Variants in C10orf105 observed in about 807,000 individuals in gnomAD.
C10orf105 encodes uncharacterized protein C10orf105.
Under a neutral mutation model 0.6 loss-of-function variants are expected in C10orf105, and 2 were observed. The observed-to-expected ratio is 3.18, with a 90% CI of 1.30 to 10.01. The LOEUF (loss-of-function observed/expected upper bound fraction) is 10.01, where lower values mean the gene tolerates loss of function less well. C10orf105 is among the 30% of genes most tolerant of loss of function. The pLI, the probability that C10orf105 is intolerant of heterozygous loss-of-function variation, is 0.04. For missense variants in C10orf105, 209 were observed against 191.4 expected (o/e 1.09, Z -0.54); for synonymous variants, 95 against 82.4 (o/e 1.15, Z -0.83).
rs1161580500 is a variant in C10orf105 at position 71,712,495 on chromosome 10, C to T, written c.*3441G>A. On this transcript the variant is annotated 3_prime_UTR_variant, in exon 2 of 2. Coordinates refer to ENST00000441508, the MANE Select transcript of C10orf105 (RefSeq NM_001164375.3). ...CATGGTGTTATCTAAGTATTTGATA[C>T]TGTTAGTGTTATTCCTAAGCTAAAA... The T allele has an allele frequency of 9.4e-6, 6 of 641,516 alleles. No homozygotes were observed. The highest frequency in any genetic ancestry group is 1.8e-5 in the African/African-American group (1 of 54,680). 39.7% of individuals were successfully genotyped at this position (641,516 alleles called of 1,614,324 possible). A position where few individuals can be genotyped will look rare whatever the true frequency, so the allele number is the denominator to read the frequency against.
chr10:71,730,653 T>G, intron 1 of C10orf105: 3 of 1,607,548 alleles, frequency 1.9e-6, no homozygotes, highest in Non-Finnish European at 1.7e-6. Flanking sequence ...AGAGCAAACC[T>G]CCCCAGCTCA....
At chr10:71,733,040 C>T (rs1479236373) in intron 1 of C10orf105, among the ~76,000 whole-genome samples, 1 of 152,016 alleles carries the variant, frequency 6.6e-6, no homozygotes, top group Admixed American at 6.5e-5. Flanking sequence ...CCAATCACAA[C>T]CTCTAGGTTG....
intron 1 of C10orf105, among the ~76,000 whole-genome samples, chr10:71,729,780 A>C (rs1359405046): frequency 1.3e-5 from 2 of 152,078 alleles, no homozygotes; most frequent in Non-Finnish European, 2.9e-5. Flanking sequence ...GCCCTGGCTC[A>C]TTTTGTCTTC....
At chr10:71,728,205 C>T (rs1458642236) in intron 1 of C10orf105, among the ~76,000 whole-genome samples, 1 of 152,160 alleles carries the variant, frequency 6.6e-6, no homozygotes, top group Non-Finnish European at 1.5e-5. Flanking sequence ...CCGCACCCAC[C>T]CTACCCAGGA....
At chr10:71,717,861 G>C (rs1281810966) in intron 1 of C10orf105, 1 of 152,256 alleles carries the variant, frequency 6.6e-6, no homozygotes, top group Non-Finnish European at 1.5e-5. Flanking sequence ...GAGAGGTGGG[G>C]TGGGGGAGAA....
chr10:71,735,554 C>A (rs1839539911), intron 1 of C10orf105, among the ~76,000 whole-genome samples: 1 of 152,194 alleles, frequency 6.6e-6, no homozygotes, highest in Non-Finnish European at 1.5e-5. Flanking sequence ...ACATCAGCTA[C>A]CATCTAGAGA....
Position 71,732,150 on chromosome 10 carries a change from C to T in C10orf105, c.-6+5578G>A. 1 of 1,614,042 alleles carries T rather than the reference C, an allele frequency of 6.2e-7. No individual in the cohort carries two copies. Among genetic ancestry groups the T allele is most frequent in the Non-Finnish European group, 8.5e-7 (1 of 1,179,902 alleles). ...CCACTGACCAGGCCCCGCCCTTCAA[C>T]CAGGGCTTCTGCAGCGTCTACATCA... On this transcript the variant is annotated intron_variant, in intron 1 of 1. Transcript: ENST00000398786.
At chr10:71,718,808 T>C (rs1245941559) in intron 1 of C10orf105, among the ~76,000 whole-genome samples, 1 of 152,086 alleles carries the variant, frequency 6.6e-6, no homozygotes, top group African/African-American at 2.4e-5. Flanking sequence ...GGCTCTCACC[T>C]GTAATCCCAG....
intron 1 of C10orf105, chr10:71,732,164 G>T (rs778254023): frequency 6.2e-7 from 1 of 1,614,048 alleles, no homozygotes. Flanking sequence ...GGCTTCTGCA[G>T]CGTCTACATC....
chr10:71,736,087 G>A (rs1167387023), intron 1 of C10orf105, among the ~76,000 whole-genome samples: 3 of 152,256 alleles, frequency 2.0e-5, no homozygotes, highest in Non-Finnish European at 4.4e-5. Flanking sequence ...ATGGAAAGGA[G>A]GTCCCCCTGC....
Position 71,712,631 on chromosome 10 carries a change from G to A in C10orf105, c.*3305C>T. 1 of 1,609,304 alleles carries A rather than the reference G, an allele frequency of 6.2e-7. No homozygotes were observed. The highest frequency in any genetic ancestry group is 8.5e-7 in the Non-Finnish European group (1 of 1,176,770). On this transcript the variant is annotated 3_prime_UTR_variant, in exon 2 of 2. Coordinates refer to ENST00000441508, the MANE Select transcript of C10orf105 (RefSeq NM_001164375.3). ...AGGAAGTGTGCCCCTCTCTCAGGCA[G>A]CTGCTAACACCTGTCTTCCTTCAAC...
Position 71,712,561 on chromosome 10 carries a change from A to T in C10orf105, c.*3375T>A. On this transcript the variant is annotated 3_prime_UTR_variant, in exon 2 of 2. Transcript: ENST00000441508. ...GCAAAGGCTAGGGCAGATGGGGCGG[A>T]ACAGGGCACCTCTCTGGCCGGTGCC... The T allele has an allele frequency of 7.3e-7, 1 of 1,363,264 alleles. No homozygotes were observed. The highest frequency in any genetic ancestry group is 1.9e-5 in the Admixed American group (1 of 51,426). The allele number at this position is 1,363,264 out of a possible 1,614,324, so 84.4% of individuals were successfully genotyped here. A position where few individuals can be genotyped will look rare whatever the true frequency, so the allele number is the denominator to read the frequency against.
rs2132826428 is a variant in C10orf105 at position 71,732,386 on chromosome 10, G to C, written c.-6+5342C>G. On this transcript the variant is annotated intron_variant, in intron 1 of 1. Coordinates refer to the C10orf105 transcript ENST00000398786. Reference sequence around the variant, plus strand: ...ATAGACGCCATCACGGTGAGGGGCTGGGGGCAGGGAGCACCATTTCTTCCA... The same window carrying C: ...ATAGACGCCATCACGGTGAGGGGCTCGGGGCAGGGAGCACCATTTCTTCCA... 6.4e-7 allele frequency: 1 copy of C among 1,554,922 alleles called. No homozygotes were observed.
In C10orf105 at chr10:71,715,497, C is replaced by A. The variant is rs113042561; in HGVS notation, c.*439G>T. ...CACAGATGCCAGGACAGTGTCTTGG[C>A]CCCGGTGTAGGCTGAGCATTTCACT... On this transcript the variant is annotated 3_prime_UTR_variant, in exon 2 of 2. Coordinates refer to ENST00000441508, the MANE Select transcript of C10orf105 (RefSeq NM_001164375.3). 6.4e-6 allele frequency: 1 copy of A among 155,812 alleles called. No individual in the cohort carries two copies. The highest frequency in any genetic ancestry group is 1.9e-4 in the East Asian group (1 of 5,248). The allele number at this position is 155,812 out of a possible 1,614,324, so 9.7% of individuals were successfully genotyped here. A position where few individuals can be genotyped will look rare whatever the true frequency, so the allele number is the denominator to read the frequency against.
At chr10:71,724,319 G>T (rs10999975), upstream of C10orf105, among the ~76,000 whole-genome samples, 28 of 152,296 alleles carry the variant, frequency 1.8e-4, no homozygotes, top group Non-Finnish European at 3.4e-4. Flanking sequence ...TTGAGACGGA[G>T]TCTCCCTCTG....
chr10:71,713,454 G>A lies in C10orf105; in HGVS notation c.*2482C>T, dbSNP rs1866074266. 1 of 591,034 alleles carries A rather than the reference G, an allele frequency of 1.7e-6. No individual in the cohort carries two copies. Among genetic ancestry groups the A allele is most frequent in the Admixed American group, 3.0e-5 (1 of 33,496 alleles). 36.6% of individuals were successfully genotyped at this position (591,034 alleles called of 1,614,324 possible). A position where few individuals can be genotyped will look rare whatever the true frequency, so the allele number is the denominator to read the frequency against. On this transcript the variant is annotated 3_prime_UTR_variant, in exon 2 of 2. Transcript: ENST00000441508. ...GAGGCTGAGCCAAACAGGGAATCTG[G>A]GCCTGCCCACTGGGGCAGGCTCCCG... is the stretch of plus-strand genomic sequence containing the variant.
At chr10:71,726,751 C>G (rs1484955448) in intron 1 of C10orf105, among the ~76,000 whole-genome samples, 1 of 152,230 alleles carries the variant, frequency 6.6e-6, no homozygotes, top group Non-Finnish European at 1.5e-5. Context: ...CACAGAGTGA[C>G]TGATGTCAGC....
chr10:71,732,800 T>G, intron 1 of C10orf105: 1 of 809,088 alleles, frequency 1.2e-6, no homozygotes, highest in Non-Finnish European at 1.5e-6. Context: ...TCGAAGTGTG[T>G]GTGGGGTTTT....
At chr10:71,731,582 A>C (rs1839387203) in intron 1 of C10orf105, among the ~76,000 whole-genome samples, 1 of 152,156 alleles carries the variant, frequency 6.6e-6, no homozygotes, top group African/African-American at 2.4e-5. Flanking sequence ...CTTCTGTCGA[A>C]GGGACCAAAC....
Sources: gnomAD v4.1 joint callset for allele counts (sites outside exome capture counted in the v4.1 genomes callset) on GRCh38, gnomAD v4.1.1 for gene constraint, MANE v1.5 for transcripts, NCBI Gene and HGNC (gene_info 2026-07-23, HGNC 2026-07-21) for gene names.